Variants in MTDH observed in about 807,000 individuals in gnomAD.
The protein encoded by MTDH is metadherin.
Under a neutral mutation model 72.7 loss-of-function variants are expected in MTDH, and 34 were observed. That is an observed-to-expected ratio of 0.47 (90% CI 0.36 to 0.62). MTDH has a LOEUF of 0.62. Ranked by LOEUF, MTDH falls within the 20% of genes least tolerant of loss-of-function variation. The probability of loss-of-function intolerance (pLI) is 0.00; values close to 1 mark genes in which losing one functional copy is unlikely to be tolerated. For missense variants in MTDH, 677 were observed against 699.4 expected, an observed-to-expected ratio of 0.97 and a Z score of 0.36; for synonymous variants, 266 against 268.9, an observed-to-expected ratio of 0.99 and a Z score of 0.10.
At chr8:97,714,620 A>G (rs1264598004) in intron 9 of MTDH, among the ~76,000 whole-genome samples, 1 of 151,856 alleles carries the variant, frequency 6.6e-6, no homozygotes, top group African/African-American at 2.4e-5. Flanking sequence ...AAAAAAAAAG[A>G]TATTTTAATT....
Position 97,664,071 on chromosome 8 carries a change from G to C in MTDH, c.483+2898G>C, listed in dbSNP as rs181714955. 1.4e-3 allele frequency among the ~76,000 whole-genome samples: 214 copies of C among 152,062 alleles called. 3 individuals carry two copies. The highest frequency in any genetic ancestry group is 0.012 in the Admixed American group (181 of 15,264). Reference sequence around the variant, plus strand: ...TTTGTGATTTAATTAATTTGATACAGTTGGCCGGGCACAATGGCTCAAGCC... The same window carrying C: ...TTTGTGATTTAATTAATTTGATACACTTGGCCGGGCACAATGGCTCAAGCC... On this transcript the variant is annotated intron_variant, in intron 2 of 11. Coordinates refer to ENST00000336273, the MANE Select transcript of MTDH (RefSeq NM_178812.4).
rs189277454 is a variant in MTDH, at chr8:97,696,934, T to A, written c.1049-2820T>A. ...GGAGTTCAAGACCAGCCTGGGCAAC[T>A]ACATCACCACATAAAGTTAAAGAAA... On this transcript the variant is annotated intron_variant, in intron 6 of 11. Coordinates refer to ENST00000336273, the MANE Select transcript of MTDH (RefSeq NM_178812.4). 1.0e-3 allele frequency among the ~76,000 whole-genome samples: 151 copies of A among 150,716 alleles called. 1 individual carries two copies. The highest frequency in any genetic ancestry group is 3.5e-3 in the African/African-American group (145 of 41,018).
Position 97,644,466 on chromosome 8 carries a change from GC to G in MTDH, c.-37del. 3 of 1,528,856 alleles carry G rather than the reference GC, an allele frequency of 2.0e-6. No homozygotes were observed. Among genetic ancestry groups the G allele is most frequent in the Non-Finnish European group, 2.6e-6 (3 of 1,146,258 alleles). 94.7% of individuals were successfully genotyped at this position (1,528,856 alleles called of 1,614,324 possible). A position where few individuals can be genotyped will look rare whatever the true frequency, so the allele number is the denominator to read the frequency against. ...CTCGACTATTCCACTGCGTCTCCGC[GC>G]CCCGGCGTCATCCTGCGAGTCCCTC... is the stretch of plus-strand genomic sequence containing the variant. On this transcript the variant is annotated 5_prime_UTR_variant, in exon 1 of 12. Transcript: ENST00000336273.
intron 2 of MTDH, among the ~76,000 whole-genome samples, chr8:97,665,862 C>G (rs963287013): frequency 7.2e-5 from 11 of 152,182 alleles, no homozygotes; most frequent in Middle Eastern, 3.2e-3. Context: ...CGCGGTGGCT[C>G]ACGCCTGTAA....
chr8:97,693,181 C>G (rs1373806266), intron 6 of MTDH, among the ~76,000 whole-genome samples: 1 of 152,030 alleles, frequency 6.6e-6, no homozygotes, highest in Admixed American at 6.6e-5. Context: ...GTATAAGTGC[C>G]CATTTATCAT....
chr8:97,675,741 G>A (rs527276816), intron 2 of MTDH, among the ~76,000 whole-genome samples: 29 of 150,744 alleles, frequency 1.9e-4, no homozygotes, highest in Admixed American at 5.3e-4. Context: ...GTGTGGTAGC[G>A]TATGCCTGTA....
chr8:97,667,043 G>A (rs917991357), intron 2 of MTDH, among the ~76,000 whole-genome samples: 2 of 152,084 alleles, frequency 1.3e-5, no homozygotes, highest in African/African-American at 4.8e-5. Flanking sequence ...CCAGCCTGGA[G>A]CGCAGTGGCA....
intron 9 of MTDH, 95 bp from the exon 10 acceptor site, chr8:97,718,954 C>T (rs538825204): frequency 4.2e-6 from 5 of 1,198,240 alleles, no homozygotes; most frequent in South Asian, 3.2e-5. Flanking sequence ...CCTCCGCCTC[C>T]CAGAGTGCTG....
At chr8:97,712,526 T>C (rs917623452) in intron 8 of MTDH, among the ~76,000 whole-genome samples, 4 of 152,218 alleles carry the variant, frequency 2.6e-5, no homozygotes, top group Non-Finnish European at 4.4e-5. Flanking sequence ...GGGACTATTA[T>C]GAATAAAGCT....
chr8:97,712,089 G>A, intron 8 of MTDH, among the ~76,000 whole-genome samples: 1 of 152,226 alleles, frequency 6.6e-6, no homozygotes, highest in Non-Finnish European at 1.5e-5. Flanking sequence ...CCAGGCTGGA[G>A]TGCAGTGGCA....
chr8:97,647,967 C>G (rs1811628085), intron 1 of MTDH, among the ~76,000 whole-genome samples: 1 of 151,124 alleles, frequency 6.6e-6, no homozygotes, highest in Non-Finnish European at 1.5e-5. Context: ...AAAAAAAAAG[C>G]TTGTAGATTC....
chr8:97,696,984 G>T (rs1339342919), intron 6 of MTDH, among the ~76,000 whole-genome samples: 2 of 150,508 alleles, frequency 1.3e-5, no homozygotes, highest in African/African-American at 4.9e-5. Context: ...GGTGGTATTT[G>T]CCTGTGGTCC....
chr8:97,691,892 G>T (rs987104040), intron 6 of MTDH, among the ~76,000 whole-genome samples: 1 of 151,790 alleles, frequency 6.6e-6, no homozygotes, highest in Admixed American at 6.6e-5. Context: ...TTGTTTGTTT[G>T]TTTTTTTAAT....
chr8:97,654,697 A>G (rs968081040), intron 1 of MTDH, among the ~76,000 whole-genome samples: 2 of 151,938 alleles, frequency 1.3e-5, no homozygotes, highest in Admixed American at 1.3e-4. Flanking sequence ...TGCATTAGGT[A>G]TTTGTCTTAA....
intron 1 of MTDH, among the ~76,000 whole-genome samples, chr8:97,649,030 A>G (rs534171765): frequency 4.6e-5 from 7 of 152,248 alleles, no homozygotes; most frequent in South Asian, 2.1e-4. Context: ...TATTTTTACT[A>G]TACCTTTTCT....
chr8:97,709,597 C>G (rs1004041479), intron 8 of MTDH, among the ~76,000 whole-genome samples: 1 of 152,172 alleles, frequency 6.6e-6, no homozygotes, highest in African/African-American at 2.4e-5. Context: ...TGAACTAAAG[C>G]TACATTGTTA....
chr8:97,695,399 A>T (rs1233321214), intron 6 of MTDH, among the ~76,000 whole-genome samples: 1 of 152,000 alleles, frequency 6.6e-6, no homozygotes, highest in Non-Finnish European at 1.5e-5. Flanking sequence ...GGCATGAGCC[A>T]CTCCGCCCAG....
rs556397484 is a variant in MTDH, at chr8:97,728,330, G to A, written c.*3660G>A. 7 of 152,284 alleles carry A rather than the reference G, an allele frequency of 4.6e-5. No homozygotes were observed. Among genetic ancestry groups the A allele is most frequent in the African/African-American group, 1.7e-4 (7 of 41,574 alleles). The allele number at this position is 152,284 out of a possible 1,614,324, so 9.4% of individuals were successfully genotyped here. ...CTTTGTCAGTCATTTTGCATCTTAA[G>A]CTAGACTAAACTTTTTGTTGTTGTT... On this transcript the variant is annotated 3_prime_UTR_variant, in exon 12 of 12. Transcript: ENST00000336273.
chr8:97,669,920 C>T (rs1280758121), intron 2 of MTDH, among the ~76,000 whole-genome samples: 1 of 98,558 alleles, frequency 1.0e-5, no homozygotes. Flanking sequence ...GAGACTCCAT[C>T]TCAAAAAAAA....
Sources: gnomAD v4.1 joint callset for allele counts (sites outside exome capture counted in the v4.1 genomes callset) on GRCh38, gnomAD v4.1.1 for gene constraint, MANE v1.5 for transcripts, NCBI Gene and HGNC (gene_info 2026-07-23, HGNC 2026-07-21) for gene names.